TAOK1: variants seen among roughly 807,000 people sequenced by gnomAD.
TAOK1 encodes serine/threonine-protein kinase TAO1.
In TAOK1, 21 loss-of-function variants were observed where a neutral mutation model predicts 138.3. The ratio of observed to expected loss-of-function variants is 0.15; its 90% CI spans 0.11 to 0.22. The LOEUF is 0.22. TAOK1 is among the 10% of genes least tolerant of loss of function. The probability of loss-of-function intolerance (pLI) is 1.00; values close to 1 mark genes in which losing one functional copy is unlikely to be tolerated. For synonymous variants in TAOK1, 361 were observed against 398.4 expected, an observed-to-expected ratio of 0.91 and a Z score of 1.12; for missense variants, 651 against 1,227.7, an observed-to-expected ratio of 0.53 and a Z score of 7.02.
intron 1 of TAOK1, among the ~76,000 whole-genome samples, chr17:29,425,950 G>A (rs1222578846): frequency 6.6e-6 from 1 of 152,026 alleles, no homozygotes; most frequent in African/African-American, 2.4e-5. Flanking sequence ...GCGCGATCTC[G>A]GCTCACTGCA....
intron 6 of TAOK1, 21 bp downstream of exon 6, chr17:29,478,368 ATATTGATAAGT>A: frequency 6.6e-7 from 1 of 1,513,614 alleles, no homozygotes; most frequent in South Asian, 1.3e-5. Flanking sequence ...TGGAAATTAT[ATATTGATAAGT>A]AAATGGCTTG....
Position 29,390,866 on chromosome 17 carries a change from G to A in TAOK1, c.-253G>A, listed in dbSNP as rs1365442158. 1 of 152,102 alleles carries A rather than the reference G, an allele frequency of 6.6e-6. No homozygotes were observed. The highest frequency in any genetic ancestry group is 1.9e-4 in the East Asian group (1 of 5,140). 9.4% of individuals were successfully genotyped at this position (152,102 alleles called of 1,614,324 possible). A position where few individuals can be genotyped will look rare whatever the true frequency, so the allele number is the denominator to read the frequency against. On this transcript the variant is annotated 5_prime_UTR_variant, in exon 1 of 20. Transcript: ENST00000261716. ...CGCCGCCGCCGCCCCTTGTTGCAGA[G>A]CTTGGGCTGGGCGGCTTGCTGGGGC...
chr17:29,522,671 C>T, intron 17 of TAOK1, 152 bp downstream of exon 17: 1 of 1,228,750 alleles, frequency 8.1e-7, no homozygotes, highest in Non-Finnish European at 1.1e-6. Flanking sequence ...ATGTTAAATG[C>T]CTGTTGCTAC....
At chr17:29,400,405 A>AC (rs1385635258) in intron 1 of TAOK1, among the ~76,000 whole-genome samples, 3 of 151,716 alleles carry the variant, frequency 2.0e-5, no homozygotes, top group African/African-American at 7.3e-5. Flanking sequence ...AAAAAAAAAA[A>AC]AAACAACAAA....
rs563905478 is a variant in TAOK1 at position 29,416,559 on chromosome 17, C to T, written c.-95+25535C>T. On this transcript the variant is annotated intron_variant, in intron 1 of 19. Coordinates refer to ENST00000261716, the MANE Select transcript of TAOK1 (RefSeq NM_020791.4). ...TATTACATTATTTAATTAAATATTA[C>T]ATTAATTAAATAATACAACAAATTA... Among the ~76,000 whole-genome samples the T allele has an allele frequency of 1.1e-3, 174 of 152,082 alleles. 1 individual carries two copies. Among genetic ancestry groups the T allele is most frequent in the Admixed American group, 2.3e-3 (35 of 15,262 alleles).
intron 1 of TAOK1, among the ~76,000 whole-genome samples, chr17:29,402,131 G>C (rs968744884): frequency 5.3e-5 from 8 of 152,216 alleles, no homozygotes; most frequent in Middle Eastern, 3.4e-3. Flanking sequence ...CAAAGCTTAG[G>C]AGATAGCAAG....
chr17:29,531,274 T>TTCA (rs2032102647), intron 18 of TAOK1, among the ~76,000 whole-genome samples: 1 of 151,062 alleles, frequency 6.6e-6, no homozygotes, highest in Non-Finnish European at 1.5e-5. Context: ...GCTACAAATT[T>TTCA]TTTATTTATT....
intron 19 of TAOK1, among the ~76,000 whole-genome samples, chr17:29,539,752 A>G (rs1395991477): frequency 6.6e-6 from 1 of 152,040 alleles, no homozygotes. Flanking sequence ...TTGTATTTTT[A>G]GTAGAAATAC....
Position 29,542,800 on chromosome 17 carries a change from C to T in TAOK1, c.2784C>T (p.Gly928=), listed in dbSNP as rs762024959. 13 of 1,614,130 alleles carry T rather than the reference C, an allele frequency of 8.1e-6. No homozygotes were observed. The South Asian group carries it at 1.4e-4, about 18-fold the overall frequency. Residue 928 remains glycine, a synonymous_variant, in exon 20 of 20, where the codon GGC becomes GGT. Coordinates refer to ENST00000261716, the MANE Select transcript of TAOK1 (RefSeq NM_020791.4). Reference sequence around the variant, plus strand: ...CTCACTGGGGTCATCCCATGGGTGGCCCACCACAAGCTTGGGGCCATCCAA... The same window carrying T: ...CTCACTGGGGTCATCCCATGGGTGGTCCACCACAAGCTTGGGGCCATCCAA... ...PGPHWGHPMG[G]PPQAWGHPMQ...
In TAOK1 at chr17:29,480,497, G is replaced by T. The variant is rs1218135939; in HGVS notation, c.563+16G>T. 7 of 1,583,142 alleles carry T rather than the reference G, an allele frequency of 4.4e-6. No homozygotes were observed. Among genetic ancestry groups the T allele is most frequent in the Non-Finnish European group, 6.1e-6 (7 of 1,154,168 alleles). ...CGCCGTATTGGTAAGAATAGTTAAAGCAGTCAGCAGCTGTTTTAAGTGTCT... is the reference window on the plus strand; with the variant it reads ...CGCCGTATTGGTAAGAATAGTTAAATCAGTCAGCAGCTGTTTTAAGTGTCT... On this transcript the variant is annotated intron_variant, in intron 7 of 19. Coordinates refer to ENST00000261716, the MANE Select transcript of TAOK1 (RefSeq NM_020791.4).
At chr17:29,429,605 C>T (rs1222908810) in intron 1 of TAOK1, among the ~76,000 whole-genome samples, 1 of 152,062 alleles carries the variant, frequency 6.6e-6, no homozygotes, top group Non-Finnish European at 1.5e-5. Flanking sequence ...TTTAAATAAC[C>T]ATGGTACATT....
intron 11 of TAOK1, 93 bp downstream of exon 11, chr17:29,495,820 A>T (rs773589749): frequency 1.4e-4 from 155 of 1,131,632 alleles, no homozygotes; most frequent in Non-Finnish European, 1.7e-4. Flanking sequence ...CTTATATACC[A>T]AGGGTTTCCA....
chr17:29,426,656 TA>T (rs776060108), intron 1 of TAOK1, among the ~76,000 whole-genome samples: 96 of 152,332 alleles, frequency 6.3e-4, no homozygotes, highest in Non-Finnish European at 1.0e-3. Flanking sequence ...TGCATATCCT[TA>T]AAAGGAGTCC....
chr17:29,399,069 C>G (rs1296045254), intron 1 of TAOK1, among the ~76,000 whole-genome samples: 2 of 151,716 alleles, frequency 1.3e-5, no homozygotes, highest in East Asian at 3.9e-4. Flanking sequence ...TGCCTGCAGC[C>G]TTGACCTCCC....
intron 1 of TAOK1, among the ~76,000 whole-genome samples, chr17:29,427,166 AAAT>A (rs1156565307): frequency 1.3e-5 from 2 of 152,212 alleles, no homozygotes; most frequent in Non-Finnish European, 2.9e-5. Context: ...CATTGGTGGA[AAAT>A]AAGTTTAGAA....
chr17:29,415,613 G>A (rs1212020858), intron 1 of TAOK1, among the ~76,000 whole-genome samples: 4 of 152,024 alleles, frequency 2.6e-5, no homozygotes, highest in East Asian at 3.8e-4. Flanking sequence ...GCATCTTTTC[G>A]TGCACTCAGC....
At position 29,543,232 on chromosome 17, in the gene TAOK1, G is replaced by A; in HGVS notation, c.*210G>A. The A allele has an allele frequency of 2.2e-6, 1 of 460,766 alleles. No individual in the cohort carries two copies. The highest frequency in any genetic ancestry group is 3.8e-6 in the Non-Finnish European group (1 of 261,672). The allele number at this position is 460,766 out of a possible 1,614,324, so 28.5% of individuals were successfully genotyped here. A position where few individuals can be genotyped will look rare whatever the true frequency, so the allele number is the denominator to read the frequency against. On this transcript the variant is annotated 3_prime_UTR_variant, in exon 20 of 20. Transcript: ENST00000261716. Reference sequence around the variant, plus strand: ...GCTGCCGGGTTTGTTTGTTTTTGGGGAAATTTTGAAAAGTGGAGTTGATAT... The same window carrying A: ...GCTGCCGGGTTTGTTTGTTTTTGGGAAAATTTTGAAAAGTGGAGTTGATAT...
chr17:29,492,653 G>T (rs966187813), intron 10 of TAOK1, among the ~76,000 whole-genome samples: 1 of 152,076 alleles, frequency 6.6e-6, no homozygotes, highest in Non-Finnish European at 1.5e-5. Flanking sequence ...TTAGCTGGGC[G>T]TGGTGGCGCA....
chr17:29,422,540 G>T (rs1052018622), intron 1 of TAOK1, among the ~76,000 whole-genome samples: 9 of 152,114 alleles, frequency 5.9e-5, no homozygotes, highest in Non-Finnish European at 1.3e-4. Flanking sequence ...AATGAACTTC[G>T]ATAGTTTATG....
Sources: gnomAD v4.1 joint callset for allele counts (sites outside exome capture counted in the v4.1 genomes callset) on GRCh38, gnomAD v4.1.1 for gene constraint, MANE v1.5 for transcripts, NCBI Gene and HGNC (gene_info 2026-07-23, HGNC 2026-07-21) for gene names.